The following CACNA2D1 variants were observed in gnomAD, a reference collection of about 807,000 sequenced individuals.
CACNA2D1 encodes calcium voltage-gated channel auxiliary subunit alpha2delta 1.
CACNA2D1 carries 53 observed loss-of-function variants against 171.5 expected under a neutral mutation model. The ratio of observed to expected loss-of-function variants is 0.31; its 90% CI spans 0.25 to 0.39. The LOEUF (loss-of-function observed/expected upper bound fraction) is 0.39, where lower values mean the gene tolerates loss of function less well. CACNA2D1 is among the 10% of genes least tolerant of loss of function. The pLI, the probability that CACNA2D1 is intolerant of heterozygous loss-of-function variation, is 1.00. For missense variants in CACNA2D1, 903 were observed against 1,299.8 expected (o/e 0.69, Z 4.69); for synonymous variants, 442 against 443.1 (o/e 1.00, Z 0.03).
chr7:82,304,480 A>C (rs1813458924), intron 3 of CACNA2D1, among the ~76,000 whole-genome samples: 1 of 152,178 alleles, frequency 6.6e-6, no homozygotes, highest in Non-Finnish European at 1.5e-5. Flanking sequence ...TAGATAAAGA[A>C]AATGTGGTAG....
chr7:82,069,173 T>C (rs928016806), intron 7 of CACNA2D1, among the ~76,000 whole-genome samples: 1 of 152,158 alleles, frequency 6.6e-6, no homozygotes, highest in Non-Finnish European at 1.5e-5. Flanking sequence ...TCATTCCTTA[T>C]ATAGGCTCAG....
intron 1 of CACNA2D1, among the ~76,000 whole-genome samples, chr7:82,396,631 C>CT (rs1164943769): frequency 3.9e-5 from 6 of 152,206 alleles, no homozygotes; most frequent in Non-Finnish European, 8.8e-5. Flanking sequence ...CTTCTATTCA[C>CT]TGTCTGTACC....
intron 5 of CACNA2D1, among the ~76,000 whole-genome samples, chr7:82,117,963 A>G (rs1424913652): frequency 6.6e-6 from 1 of 152,210 alleles, no homozygotes. Context: ...CAGAAATAAT[A>G]TGGCAATGAA....
intron 4 of CACNA2D1, among the ~76,000 whole-genome samples, chr7:82,140,903 T>C (rs1043740541): frequency 2.2e-5 from 3 of 137,892 alleles, no homozygotes; most frequent in Admixed American, 1.5e-4. Flanking sequence ...TGCAGTGAGC[T>C]GAGATCACGC....
At chr7:82,099,805 A>T (rs961021926) in intron 6 of CACNA2D1, among the ~76,000 whole-genome samples, 2 of 152,146 alleles carry the variant, frequency 1.3e-5, no homozygotes, top group Non-Finnish European at 2.9e-5. Context: ...TAGGAATCAG[A>T]TCATATTATT....
rs370141316 is a variant in CACNA2D1, at chr7:82,355,467, CA to C, written c.96-5819del. Among the ~76,000 whole-genome samples the C allele has an allele frequency of 2.8e-3, 421 of 152,222 alleles. 1 individual carries two copies. Among genetic ancestry groups the C allele is most frequent in the African/African-American group, 9.8e-3 (408 of 41,538 alleles). Reference sequence around the variant, plus strand: ...AACAGAAGTTTCAGTGTTATAAAGACAGGACTTAAACATGATAGCTAGTCAG... The same window carrying C: ...AACAGAAGTTTCAGTGTTATAAAGACGGACTTAAACATGATAGCTAGTCAG... On this transcript the variant is annotated intron_variant, in intron 1 of 38. Transcript: ENST00000356860.
intron 1 of CACNA2D1, among the ~76,000 whole-genome samples, chr7:82,437,691 T>C (rs1005102541): frequency 1.6e-5 from 2 of 128,100 alleles, no homozygotes; most frequent in Non-Finnish European, 3.6e-5. Context: ...GTTCATAACC[T>C]GTACAAACAA....
At chr7:82,235,670 T>A (rs1290607249) in intron 3 of CACNA2D1, among the ~76,000 whole-genome samples, 3 of 152,134 alleles carry the variant, frequency 2.0e-5, no homozygotes, top group East Asian at 3.8e-4. Context: ...ATATCTTTCA[T>A]ATTCATTCTC....
intron 12 of CACNA2D1, among the ~76,000 whole-genome samples, chr7:82,018,153 A>AAT (rs1358392858): frequency 1.3e-5 from 2 of 152,232 alleles, no homozygotes; most frequent in Non-Finnish European, 2.9e-5. Context: ...GGCTTTGACA[A>AAT]ATATTTTTCA....
intron 12 of CACNA2D1, among the ~76,000 whole-genome samples, chr7:82,025,570 C>T (rs1584459332): frequency 6.6e-6 from 1 of 151,636 alleles, no homozygotes; most frequent in East Asian, 1.9e-4. Flanking sequence ...TTAGTGTCTT[C>T]TATATTTAGA....
At chr7:82,287,424 T>C (rs746734011) in intron 3 of CACNA2D1, among the ~76,000 whole-genome samples, 27 of 152,180 alleles carry the variant, frequency 1.8e-4, no homozygotes, top group Non-Finnish European at 3.4e-4. Context: ...CCACATTGAA[T>C]TCTATTATAT....
intron 3 of CACNA2D1, among the ~76,000 whole-genome samples, chr7:82,181,691 G>A (rs569749255): frequency 2.6e-5 from 4 of 152,252 alleles, no homozygotes; most frequent in African/African-American, 4.8e-5. Flanking sequence ...TACAACTTAC[G>A]TGTTCTAAAG....
At chr7:82,209,318 C>A (rs536469886) in intron 3 of CACNA2D1, among the ~76,000 whole-genome samples, 2 of 152,254 alleles carry the variant, frequency 1.3e-5, no homozygotes, top group East Asian at 3.9e-4. Context: ...TTGCATTTGG[C>A]ATAGGGGTTG....
chr7:82,326,043 G>A (rs991345096), intron 3 of CACNA2D1, among the ~76,000 whole-genome samples: 1 of 152,118 alleles, frequency 6.6e-6, no homozygotes, highest in African/African-American at 2.4e-5. Context: ...ATGTGATGAT[G>A]TCCTGTCCAG....
chr7:82,170,783 T>A lies in CACNA2D1; in HGVS notation c.295-174A>T, dbSNP rs73387974. Among the ~76,000 whole-genome samples, 9,788 of 152,088 alleles carry A rather than the reference T, an allele frequency of 0.064. 661 individuals carry two copies. The highest frequency in any genetic ancestry group is 0.17 in the African/African-American group (6,971 of 41,510). ...TAATCTAACCTACTAAAGTTGATGT[T>A]TGTATATTTACTCTTCAGCAATATA... is the stretch of plus-strand genomic sequence containing the variant. On this transcript the variant is annotated intron_variant, in intron 3 of 38. Transcript: ENST00000356860.
intron 4 of CACNA2D1, among the ~76,000 whole-genome samples, chr7:82,147,016 A>AAAG (rs1793217644): frequency 9.2e-6 from 1 of 108,426 alleles, no homozygotes; most frequent in Non-Finnish European, 2.0e-5. Flanking sequence ...AAAAAAAAAA[A>AAAG]GCAGCTATTA....
intron 38 of CACNA2D1, among the ~76,000 whole-genome samples, chr7:81,955,970 ATATATATATATTTT>A (rs1448597663): frequency 1.5e-5 from 1 of 65,910 alleles, no homozygotes; most frequent in East Asian, 4.8e-4. Context: ...CTATATATAT[ATATATATATATTTT>A]TTTTTTTTTT....
At chr7:82,369,993 T>C (rs1461903550) in intron 1 of CACNA2D1, among the ~76,000 whole-genome samples, 5 of 152,124 alleles carry the variant, frequency 3.3e-5, no homozygotes, top group South Asian at 2.1e-4. Context: ...AAAATCTTTT[T>C]ATTAATATTC....
At chr7:82,215,490 A>C (rs1801006399) in intron 3 of CACNA2D1, among the ~76,000 whole-genome samples, 1 of 152,132 alleles carries the variant, frequency 6.6e-6, no homozygotes, top group African/African-American at 2.4e-5. Flanking sequence ...CTCCAAATAA[A>C]CCATTCCATG....
Sources: allele counts gnomAD v4.1 joint callset (sites outside exome capture counted in the v4.1 genomes callset), GRCh38; gene constraint gnomAD v4.1.1; transcripts MANE v1.5; gene names NCBI Gene and HGNC (gene_info 2026-07-23, HGNC 2026-07-21).